The following ST6GALNAC3 variants were observed in gnomAD, a reference collection of about 807,000 sequenced individuals.
ST6GALNAC3 encodes the protein alpha-N-acetylgalactosaminide alpha-2,6-sialyltransferase 3.
Under a neutral mutation model 32.7 loss-of-function variants are expected in ST6GALNAC3, and 25 were observed. The observed-to-expected ratio is 0.76, with a 90% CI of 0.56 to 1.07. The LOEUF (loss-of-function observed/expected upper bound fraction) is 1.07, where lower values mean the gene tolerates loss of function less well. ST6GALNAC3 is among the 50% of genes least tolerant of loss of function. The pLI is 0.00. For missense variants in ST6GALNAC3, 355 were observed against 382.4 expected, an observed-to-expected ratio of 0.93 and a Z score of 0.60; for synonymous variants, 129 against 133.1, an observed-to-expected ratio of 0.97 and a Z score of 0.21.
chr1:76,571,883 C>T (rs903473356), intron 3 of ST6GALNAC3, among the ~76,000 whole-genome samples: 1 of 151,868 alleles, frequency 6.6e-6, no homozygotes, highest in African/African-American at 2.4e-5. Flanking sequence ...AAATTTAATA[C>T]CCTATTAAGA....
chr1:76,098,179 G>A (rs150701822), intron 1 of ST6GALNAC3, among the ~76,000 whole-genome samples: 5 of 152,222 alleles, frequency 3.3e-5, no homozygotes, highest in African/African-American at 9.6e-5. Flanking sequence ...ATTCACTTGC[G>A]TTTCTATGGA....
At position 76,282,322 on chromosome 1, in the gene ST6GALNAC3, A is replaced by G. The variant is rs553741556; in HGVS notation, c.19-31483A>G. ...GTATGTGTATTTATGTGATATATGT[A>G]TAATTTTATATATGTGATAAATACA... On this transcript the variant is annotated intron_variant, in intron 1 of 4. Transcript: ENST00000328299. Among the ~76,000 whole-genome samples the G allele has an allele frequency of 2.0e-5, 3 of 152,276 alleles. No individual in the cohort carries two copies. In the South Asian group the frequency reaches 6.2e-4, roughly 32 times the overall value.
rs139945717 is a variant in ST6GALNAC3 at position 76,240,658 on chromosome 1, G to C, written c.19-73147G>C. On this transcript the variant is annotated intron_variant, in intron 1 of 4. Coordinates refer to ENST00000328299, the MANE Select transcript of ST6GALNAC3 (RefSeq NM_152996.4). The stretch of plus-strand genomic sequence containing the variant: ...ATCTTGGAAGCCAGTCAGCTGATCT[G>C]TCCCTCAGCTGAGTCCCTGAATGAC... Among the ~76,000 whole-genome samples the C allele has an allele frequency of 6.8e-3, 1,039 of 152,260 alleles. 7 individuals are homozygous for C. The highest frequency in any genetic ancestry group is 0.034 in the Middle Eastern group (10 of 294).
chr1:76,213,870 T>G (rs1327401839), intron 1 of ST6GALNAC3, among the ~76,000 whole-genome samples: 1 of 152,218 alleles, frequency 6.6e-6, no homozygotes, highest in African/African-American at 2.4e-5. Flanking sequence ...AAAAGGGATA[T>G]GTTATCAGAG....
intron 2 of ST6GALNAC3, among the ~76,000 whole-genome samples, chr1:76,407,544 G>A (rs541230110): frequency 9.9e-5 from 15 of 152,168 alleles, no homozygotes; most frequent in Admixed American, 7.2e-4. Context: ...CCCAGACAGG[G>A]TTGGCTGAAT....
intron 1 of ST6GALNAC3, among the ~76,000 whole-genome samples, chr1:76,139,055 G>A (rs992931260): frequency 2.6e-5 from 4 of 152,082 alleles, no homozygotes; most frequent in Admixed American, 6.5e-5. Flanking sequence ...TTAGCTGGGC[G>A]TGGTGGCAGA....
intron 1 of ST6GALNAC3, among the ~76,000 whole-genome samples, chr1:76,171,089 G>GTGTGTA (rs1491312098): frequency 9.1e-4 from 1 of 1,096 alleles, no homozygotes; most frequent in African/African-American, 1.1e-3. Context: ...ATTGAGAGGG[G>GTGTGTA]TGTGTGTGTG....
At chr1:76,256,133 C>G (rs1657907200) in intron 1 of ST6GALNAC3, among the ~76,000 whole-genome samples, 1 of 151,770 alleles carries the variant, frequency 6.6e-6, no homozygotes, top group African/African-American at 2.4e-5. Flanking sequence ...ATACTTTAAA[C>G]TAGTTTAAAA....
chr1:76,122,205 C>T (rs770591852), intron 1 of ST6GALNAC3, among the ~76,000 whole-genome samples: 10 of 152,130 alleles, frequency 6.6e-5, no homozygotes, highest in South Asian at 2.1e-4. Context: ...TGATTACTTG[C>T]GCATAGTAAG....
chr1:76,486,537 A>G (rs1235710232), intron 3 of ST6GALNAC3, among the ~76,000 whole-genome samples: 4 of 152,074 alleles, frequency 2.6e-5, no homozygotes, highest in Admixed American at 6.6e-5. Context: ...TCAGAGACTA[A>G]GATTGCAACC....
chr1:76,257,119 A>C (rs1657967005), intron 1 of ST6GALNAC3, among the ~76,000 whole-genome samples: 1 of 152,154 alleles, frequency 6.6e-6, no homozygotes, highest in South Asian at 2.1e-4. Flanking sequence ...TCATGTTTAT[A>C]AAGAAGGCTT....
intron 1 of ST6GALNAC3, among the ~76,000 whole-genome samples, chr1:76,101,845 C>A (rs947587478): frequency 3.6e-4 from 55 of 152,098 alleles, no homozygotes; most frequent in African/African-American, 1.2e-3. Flanking sequence ...GGAAAGAACA[C>A]GCTTTGAATG....
intron 1 of ST6GALNAC3, among the ~76,000 whole-genome samples, chr1:76,243,336 G>T (rs1657075136): frequency 6.6e-6 from 1 of 152,030 alleles, no homozygotes; most frequent in African/African-American, 2.4e-5. Flanking sequence ...TAAGTTCCTT[G>T]TAGATTCTGG....
intron 1 of ST6GALNAC3, among the ~76,000 whole-genome samples, chr1:76,302,270 TA>T (rs2100851873): frequency 6.6e-6 from 1 of 152,216 alleles, no homozygotes. Context: ...TGAGACCATT[TA>T]AAGTTATTTG....
chr1:76,308,186 T>C (rs1661179142), intron 1 of ST6GALNAC3, among the ~76,000 whole-genome samples: 1 of 152,092 alleles, frequency 6.6e-6, no homozygotes, highest in African/African-American at 2.4e-5. Context: ...AAGAAAAAAA[T>C]ATCTCTAGTT....
At chr1:76,299,933 T>C (rs891805554) in intron 1 of ST6GALNAC3, among the ~76,000 whole-genome samples, 1 of 152,052 alleles carries the variant, frequency 6.6e-6, no homozygotes, top group African/African-American at 2.4e-5. Flanking sequence ...TCTGATAAGA[T>C]ACCAGGTTTC....
chr1:76,379,263 T>A (rs2101107999), intron 2 of ST6GALNAC3, among the ~76,000 whole-genome samples: 1 of 152,278 alleles, frequency 6.6e-6, no homozygotes, highest in South Asian at 2.1e-4. Context: ...AACAATTGAT[T>A]TCTACTTCAT....
chr1:76,635,355 G>A (rs1273880388), downstream of ST6GALNAC3, among the ~76,000 whole-genome samples: 1 of 152,146 alleles, frequency 6.6e-6, no homozygotes, highest in Admixed American at 6.5e-5. Context: ...CAAAATGAGA[G>A]TCATCTTTGG....
intron 1 of ST6GALNAC3, among the ~76,000 whole-genome samples, chr1:76,263,546 G>A (rs1658363264): frequency 6.6e-6 from 1 of 152,138 alleles, no homozygotes; most frequent in Admixed American, 6.6e-5. Flanking sequence ...TGGACTCAAC[G>A]AAGAAAGAAG....
Sources: gnomAD v4.1 joint callset for allele counts (sites outside exome capture counted in the v4.1 genomes callset) on GRCh38, gnomAD v4.1.1 for gene constraint, MANE v1.5 for transcripts, NCBI Gene and HGNC (gene_info 2026-07-23, HGNC 2026-07-21) for gene names.